The following NUSAP1 variants were observed in gnomAD, a reference collection of about 807,000 sequenced individuals.
NUSAP1 encodes nucleolar and spindle associated protein 1.
NUSAP1 carries 32 observed loss-of-function variants against 52.8 expected under a neutral mutation model. That is an observed-to-expected ratio of 0.61 (90% CI 0.46 to 0.81). The LOEUF (loss-of-function observed/expected upper bound fraction) is 0.81. Ranked by LOEUF, NUSAP1 falls within the 40% of genes least tolerant of loss-of-function variation. The probability of loss-of-function intolerance (pLI) is 0.00; values close to 1 mark genes in which losing one functional copy is unlikely to be tolerated. For synonymous variants in NUSAP1, 195 were observed against 183.1 expected, an observed-to-expected ratio of 1.06 and a Z score of -0.52; for missense variants, 499 against 522.3, an observed-to-expected ratio of 0.96 and a Z score of 0.43.
intron 2 of NUSAP1, among the ~76,000 whole-genome samples, chr15:41,347,435 C>T (rs996950703): frequency 1.3e-5 from 2 of 152,174 alleles, no homozygotes; most frequent in African/African-American, 4.8e-5. Flanking sequence ...TAATGGCCTC[C>T]TCCCTAACCA....
At chr15:41,354,569 C>T (rs752662825) in intron 4 of NUSAP1, among the ~76,000 whole-genome samples, 5 of 151,460 alleles carry the variant, frequency 3.3e-5, no homozygotes, top group South Asian at 2.1e-4. Flanking sequence ...ATATGCCAGA[C>T]GTTAATGGTG....
chr15:41,363,625 T>G (rs2049274926), intron 6 of NUSAP1, among the ~76,000 whole-genome samples: 1 of 151,952 alleles, frequency 6.6e-6, no homozygotes, highest in Admixed American at 6.6e-5. Context: ...CCCCCTCTTC[T>G]GCCTCCCAAA....
rs1595613039 is a variant in NUSAP1 at position 41,377,313 on chromosome 15, A to G, written c.1232+9A>G. 3.1e-6 allele frequency: 4 copies of G among 1,308,332 alleles called. No individual in the cohort carries two copies. The highest frequency in any genetic ancestry group is 1.8e-4 in the Middle Eastern group (1 of 5,420). 81.0% of individuals were successfully genotyped at this position (1,308,332 alleles called of 1,614,324 possible). On this transcript the variant is annotated intron_variant, in intron 10 of 10. Transcript: ENST00000559596. ...CCCCATCTCCAGACAAAGTAAGTAC[A>G]TAATTATCCAGCTTTATAATTATTT...
chr15:41,371,577 C>G lies in NUSAP1; in HGVS notation c.899C>G (p.Thr300Ser). The G allele has an allele frequency of 6.2e-7, 1 of 1,611,578 alleles. No homozygotes were observed. Among genetic ancestry groups the G allele is most frequent in the Non-Finnish European group, 8.5e-7 (1 of 1,179,272 alleles). ...GAGCATAAGCGTTCACTGACCAAGA[C>G]TCCAGCCAGAAAGTCTGCACATGTG... is the stretch of plus-strand genomic sequence containing the variant. ...DNEHKRSLTK[T>S]PARKSAHVTV... The change falls in exon 8 of 11, where the codon ACT (threonine) becomes AGT (serine). Residue 300 changes from threonine (T) to serine (S), a missense_variant. By Grantham distance (58) the Thr-to-Ser change is moderately conservative. Coordinates refer to ENST00000559596, the MANE Select transcript of NUSAP1 (RefSeq NM_016359.5).
rs777212907 is a variant in NUSAP1 at position 41,349,199 on chromosome 15, AAGG to A, written c.267_269del (p.Arg91del). 6.2e-7 allele frequency: 1 copy of A among 1,613,958 alleles called. No individual in the cohort carries two copies. Among genetic ancestry groups the A allele is most frequent in the Non-Finnish European group, 8.5e-7 (1 of 1,179,844 alleles). On this transcript the variant is annotated inframe_deletion, in exon 3 of 11. Transcript: ENST00000559596. ...AGCCACTTGGCCATGTCACCAAAAC[AAGG>A]AGAAGGTGCAAGACTGTCCGTGTGG...
At chr15:41,353,053 G>A (rs2048835641) in intron 4 of NUSAP1, among the ~76,000 whole-genome samples, 1 of 152,134 alleles carries the variant, frequency 6.6e-6, no homozygotes, top group Non-Finnish European at 1.5e-5. Flanking sequence ...AGTTAGTTAT[G>A]GTGGTGTCTG....
chr15:41,377,554 C>T (rs2049999243), intron 10 of NUSAP1, among the ~76,000 whole-genome samples: 1 of 151,352 alleles, frequency 6.6e-6, no homozygotes, highest in South Asian at 2.1e-4. Flanking sequence ...AAAAAATTAG[C>T]TGGGCATGGT....
chr15:41,340,833 C>G (rs576378918), intron 1 of NUSAP1, among the ~76,000 whole-genome samples: 10 of 152,152 alleles, frequency 6.6e-5, no homozygotes, highest in Non-Finnish European at 1.5e-4. Flanking sequence ...GCAGAGCATT[C>G]TGGTAAAGTG....
intron 1 of NUSAP1, among the ~76,000 whole-genome samples, chr15:41,336,535 C>T (rs1290712607): frequency 6.6e-6 from 1 of 151,850 alleles, no homozygotes; most frequent in Non-Finnish European, 1.5e-5. Context: ...TAATCTTTGC[C>T]TATACCTCTG....
At chr15:41,334,959 G>A (rs2048064534) in intron 1 of NUSAP1, among the ~76,000 whole-genome samples, 1 of 152,138 alleles carries the variant, frequency 6.6e-6, no homozygotes, top group African/African-American at 2.4e-5. Context: ...GATGAAGTAA[G>A]AACAGAAGAA....
intron 2 of NUSAP1, among the ~76,000 whole-genome samples, chr15:41,345,927 G>C (rs2048550269): frequency 6.6e-6 from 1 of 152,016 alleles, no homozygotes; most frequent in Non-Finnish European, 1.5e-5. Flanking sequence ...AGTGATCTTT[G>C]TTTTTGCTCT....
Position 41,371,665 on chromosome 15 carries a change from C to T in NUSAP1, c.987C>T (p.Ile329=). 1 of 1,583,206 alleles carries T rather than the reference C, an allele frequency of 6.3e-7. No homozygotes were observed. The highest frequency in any genetic ancestry group is 2.3e-5 in the East Asian group (1 of 44,368). ...TTGGGACACACAAATTAAAGACCAT[C>T]ACGGGGAATTCTGCTGCTGGTAAAA... is the stretch of plus-strand genomic sequence containing the variant. ...AVLGTHKLKT[I]TGNSAAVITP... is the part of the protein sequence containing the mutation. Residue 329 remains isoleucine, a synonymous_variant, in exon 8 of 11, where the codon ATC becomes ATT. Transcript: ENST00000559596.
At chr15:41,355,955 G>A in intron 4 of NUSAP1, 84 bp from the exon 5 acceptor site, 1 of 775,686 alleles carries the variant, frequency 1.3e-6, no homozygotes, top group East Asian at 2.7e-5. Flanking sequence ...TGGGATTACA[G>A]GCGTGAGCTA....
chr15:41,359,032 A>G (rs1033910499), intron 6 of NUSAP1, among the ~76,000 whole-genome samples: 1 of 152,234 alleles, frequency 6.6e-6, no homozygotes, highest in African/African-American at 2.4e-5. Context: ...AGGCTGAGTT[A>G]GCAAAGTAGT....
rs761282166 is a variant in NUSAP1 at position 41,371,617 on chromosome 15, C to T, written c.939C>T (p.Gly313=). The T allele has an allele frequency of 2.5e-6, 4 of 1,611,210 alleles. No individual in the cohort carries two copies. The highest frequency in any genetic ancestry group is 2.2e-5 in the East Asian group (1 of 44,840). Residue 313 remains glycine (G), a synonymous_variant, in exon 8 of 11, where the codon GGC becomes GGT. Coordinates refer to ENST00000559596, the MANE Select transcript of NUSAP1 (RefSeq NM_016359.5). ...RKSAHVTVSG[G]TPKGEAVLGT... The stretch of plus-strand genomic sequence containing the variant: ...CTGCACATGTGACCGTGTCTGGGGG[C>T]ACCCCAAAAGGCGAGGCTGTGCTTG...
chr15:41,362,509 C>T (rs12148715), intron 6 of NUSAP1, among the ~76,000 whole-genome samples: 4,588 of 150,878 alleles, frequency 0.03, 108 homozygotes, highest in Non-Finnish European at 0.046. Context: ...ACTGCAAGCT[C>T]CTCTTCCCAG....
At chr15:41,370,353 G>A (rs1395867862) in intron 7 of NUSAP1, among the ~76,000 whole-genome samples, 1 of 152,222 alleles carries the variant, frequency 6.6e-6, no homozygotes, top group African/African-American at 2.4e-5. Flanking sequence ...CTGCCCTCCA[G>A]CCTGGGCGAC....
rs557480953 is a variant in NUSAP1, at chr15:41,372,059, C to T, written c.1006+375C>T. Reference sequence around the variant, plus strand: ...CTGGGATTACAAGCGTGAGCCACTGCGCCCGGCCTGTATCTGTTTCCTTAA... The same window carrying T: ...CTGGGATTACAAGCGTGAGCCACTGTGCCCGGCCTGTATCTGTTTCCTTAA... On this transcript the variant is annotated intron_variant, in intron 8 of 10. Transcript: ENST00000559596. Among the ~76,000 whole-genome samples, 4 of 152,290 alleles carry T rather than the reference C, an allele frequency of 2.6e-5. No individual in the cohort carries two copies. The East Asian group carries it at 5.8e-4, about 22-fold the overall frequency.
At position 41,371,559 on chromosome 15, in the gene NUSAP1, A is replaced by G. The variant is rs1389105966; in HGVS notation, c.881A>G (p.Lys294Arg). The G allele has an allele frequency of 1.2e-6, 2 of 1,608,924 alleles. No homozygotes were observed. The highest frequency in any genetic ancestry group is 4.5e-5 in the East Asian group (2 of 44,850). The change falls in exon 8 of 11, where the codon AAG (lysine) becomes AGG (arginine). Residue 294 changes from lysine (K) to arginine (R), a missense_variant. Lys to Arg is a conservative substitution (Grantham distance 26). Coordinates refer to ENST00000559596, the MANE Select transcript of NUSAP1 (RefSeq NM_016359.5). ...GCTGCTACTAAAGATAATGAGCATA[A>G]GCGTTCACTGACCAAGACTCCAGCC... is the stretch of plus-strand genomic sequence containing the variant. ...FSAATKDNEH[K>R]RSLTKTPARK...
Sources: gnomAD v4.1 joint callset for allele counts (sites outside exome capture counted in the v4.1 genomes callset) on GRCh38, gnomAD v4.1.1 for gene constraint, MANE v1.5 for transcripts, NCBI Gene and HGNC (gene_info 2026-07-23, HGNC 2026-07-21) for gene names.